Variants in GPATCH8 observed in about 807,000 individuals in gnomAD.
The protein encoded by GPATCH8 is G patch domain-containing protein 8.
GPATCH8 carries 18 observed loss-of-function variants against 118.3 expected under a neutral mutation model. The ratio of observed to expected loss-of-function variants is 0.15; its 90% CI spans 0.11 to 0.23. The LOEUF (loss-of-function observed/expected upper bound fraction) is 0.23, where lower values mean the gene tolerates loss of function less well. Ranked by LOEUF, GPATCH8 falls within the 10% of genes least tolerant of loss-of-function variation. GPATCH8 has a pLI of 1.00. For missense variants in GPATCH8, 1,631 were observed against 1,873.8 expected (o/e 0.87, Z 2.39); for synonymous variants, 659 against 684.7 (o/e 0.96, Z 0.59).
intron 1 of GPATCH8, among the ~76,000 whole-genome samples, chr17:44,478,838 A>C (rs1333719581): frequency 1.3e-5 from 2 of 152,084 alleles, no homozygotes; most frequent in African/African-American, 2.4e-5. Context: ...TCCTGGGCTC[A>C]AGTAATCCTC....
At position 44,441,340 on chromosome 17, in the gene GPATCH8, T is replaced by C. The variant is rs559462277; in HGVS notation, c.194-4795A>G. ...ACACTGGTTGAATTGTCAACAGATG[T>C]AAGAATACCACAATGTAAGATGTAA... On this transcript the variant is annotated intron_variant, in intron 3 of 7. Coordinates refer to ENST00000591680, the MANE Select transcript of GPATCH8 (RefSeq NM_001002909.4). 3.9e-5 allele frequency among the ~76,000 whole-genome samples: 6 copies of C among 152,348 alleles called. No individual in the cohort carries two copies. In the East Asian group the frequency reaches 1.2e-3, roughly 29 times the overall value.
Position 44,399,011 on chromosome 17 carries a change from A to C in GPATCH8, c.3066T>G (p.Arg1022=). 1 of 1,613,900 alleles carries C rather than the reference A, an allele frequency of 6.2e-7. No homozygotes were observed. Among genetic ancestry groups the C allele is most frequent in the Non-Finnish European group, 8.5e-7 (1 of 1,179,874 alleles). Residue 1022 remains arginine, a synonymous_variant, in exon 8 of 8, where the codon CGT becomes CGG. Transcript: ENST00000591680. ...HESPEERHSG[R]RDFIRSKIYR... ...AGATCTTAGAACGAATGAAGTCCCG[A>C]CGCCCAGAATGCCTCTCCTCAGGGC...
chr17:44,502,550 A>C (rs1342485965), intron 1 of GPATCH8, among the ~76,000 whole-genome samples: 1 of 152,188 alleles, frequency 6.6e-6, no homozygotes, highest in Non-Finnish European at 1.5e-5. Context: ...TCGTAAGGGC[A>C]TTTTTCCATA....
intron 3 of GPATCH8, among the ~76,000 whole-genome samples, chr17:44,437,413 C>T (rs569073466): frequency 3.9e-5 from 6 of 152,164 alleles, no homozygotes; most frequent in East Asian, 1.9e-4. Flanking sequence ...TCACAACCTG[C>T]GCTTTTTATT....
At chr17:44,424,248 A>G in intron 6 of GPATCH8, 101 bp downstream of exon 6, 1 of 843,946 alleles carries the variant, frequency 1.2e-6, no homozygotes, top group South Asian at 1.4e-5. Flanking sequence ...GGCAGACACA[A>G]GAAATCATAG....
rs1205584338 is a variant in GPATCH8 at position 44,396,767 on chromosome 17, T to A, written c.*801A>T. 1 of 453,710 alleles carries A rather than the reference T, an allele frequency of 2.2e-6. No homozygotes were observed. Among genetic ancestry groups the A allele is most frequent in the Non-Finnish European group, 4.4e-6 (1 of 226,706 alleles). 28.1% of individuals were successfully genotyped at this position (453,710 alleles called of 1,614,324 possible). ...TTTACGTTTATAGAGTTCAGTGCAA[T>A]TTTTTACATTAAAAAAATCCTATAA... On this transcript the variant is annotated 3_prime_UTR_variant, in exon 8 of 8. Coordinates refer to ENST00000591680, the MANE Select transcript of GPATCH8 (RefSeq NM_001002909.4).
intron 5 of GPATCH8, among the ~76,000 whole-genome samples, chr17:44,426,212 G>A (rs2050084096): frequency 6.6e-6 from 1 of 152,242 alleles, no homozygotes; most frequent in Non-Finnish European, 1.5e-5. Context: ...GAAGAACAAA[G>A]GGATGAACTT....
At chr17:44,466,908 C>T (rs1381472117) in intron 2 of GPATCH8, among the ~76,000 whole-genome samples, 1 of 142,024 alleles carries the variant, frequency 7.0e-6, no homozygotes, top group East Asian at 2.0e-4. Flanking sequence ...AATTGTTGCT[C>T]CCCCCCCCTC....
rs1028516522 is a variant in GPATCH8 at position 44,396,628 on chromosome 17, A to G, written c.*940T>C. The G allele has an allele frequency of 2.2e-6, 1 of 445,950 alleles. No homozygotes were observed. The highest frequency in any genetic ancestry group is 2.0e-5 in the African/African-American group (1 of 49,344). The allele number at this position is 445,950 out of a possible 1,614,324, so 27.6% of individuals were successfully genotyped here. ...GTTTCTTAATTCAACTAGGGCAAAC[A>G]TATTTACACAAAGCCACCAGAACGA... is the stretch of plus-strand genomic sequence containing the variant. On this transcript the variant is annotated 3_prime_UTR_variant, in exon 8 of 8. Transcript: ENST00000591680.
chr17:44,440,908 T>G (rs1022613101), intron 3 of GPATCH8, among the ~76,000 whole-genome samples: 23 of 152,210 alleles, frequency 1.5e-4, no homozygotes, highest in African/African-American at 5.3e-4. Context: ...TGGAGTGCAG[T>G]GACGCAATCT....
intron 3 of GPATCH8, among the ~76,000 whole-genome samples, chr17:44,462,215 T>G (rs1196718655): frequency 6.6e-6 from 1 of 152,192 alleles, no homozygotes; most frequent in Non-Finnish European, 1.5e-5. Context: ...CCCCACCTTG[T>G]GTGCCTGAAC....
chr17:44,406,590 G>A (rs2049242090), intron 6 of GPATCH8, among the ~76,000 whole-genome samples: 1 of 150,452 alleles, frequency 6.6e-6, no homozygotes, highest in East Asian at 2.0e-4. Context: ...CATGAGTAGA[G>A]GTTTCCTATA....
In GPATCH8 at chr17:44,463,029, A is replaced by G. The variant is rs190665117; in HGVS notation, c.193+1443T>C. Among the ~76,000 whole-genome samples the G allele has an allele frequency of 4.7e-3, 721 of 151,884 alleles. 7 individuals are homozygous for G. Among genetic ancestry groups the G allele is most frequent in the African/African-American group, 0.017 (693 of 41,442 alleles). ...AAATAAATAAATAAATAACTGAAAC[A>G]TCCTATTTCAAGCCCTGTCCTCCTG... On this transcript the variant is annotated intron_variant, in intron 3 of 7. Coordinates refer to ENST00000591680, the MANE Select transcript of GPATCH8 (RefSeq NM_001002909.4).
At chr17:44,447,972 C>T (rs1446190803) in intron 3 of GPATCH8, among the ~76,000 whole-genome samples, 1 of 152,156 alleles carries the variant, frequency 6.6e-6, no homozygotes, top group Non-Finnish European at 1.5e-5. Flanking sequence ...CAGGGTCTCA[C>T]TCACTCTGTT....
chr17:44,459,794 T>A (rs1278488694), intron 3 of GPATCH8, among the ~76,000 whole-genome samples: 1 of 152,200 alleles, frequency 6.6e-6, no homozygotes, highest in East Asian at 1.9e-4. Context: ...CCATGTCTTA[T>A]CTACTCTCCA....
intron 6 of GPATCH8, among the ~76,000 whole-genome samples, chr17:44,422,666 A>G (rs951215458): frequency 6.6e-6 from 1 of 151,172 alleles, no homozygotes; most frequent in Non-Finnish European, 1.5e-5. Context: ...AATTTTTTGT[A>G]TTTTTAGTAG....
intron 7 of GPATCH8, among the ~76,000 whole-genome samples, chr17:44,404,251 C>T (rs2049136646): frequency 6.6e-6 from 1 of 151,892 alleles, no homozygotes; most frequent in South Asian, 2.1e-4. Flanking sequence ...GATTCTTCTA[C>T]CTCAGGCTCC....
intron 1 of GPATCH8, among the ~76,000 whole-genome samples, chr17:44,476,120 A>G (rs1967754673): frequency 6.6e-6 from 1 of 152,162 alleles, no homozygotes; most frequent in Admixed American, 6.5e-5. Flanking sequence ...AAACTAAAAC[A>G]CTATCAACCA....
At chr17:44,404,234 C>A (rs1369074344) in intron 7 of GPATCH8, among the ~76,000 whole-genome samples, 1 of 151,340 alleles carries the variant, frequency 6.6e-6, no homozygotes, top group Non-Finnish European at 1.5e-5. Context: ...ATCTCCCAGG[C>A]TCAAGTGATT....
Sources: allele counts gnomAD v4.1 joint callset (sites outside exome capture counted in the v4.1 genomes callset), GRCh38; gene constraint gnomAD v4.1.1; transcripts MANE v1.5; gene names NCBI Gene and HGNC (gene_info 2026-07-23, HGNC 2026-07-21).